The following ZNF423 variants were observed in gnomAD, a reference collection of about 807,000 sequenced individuals.
The protein encoded by ZNF423 is zinc finger protein 423, also known as Ebf-associated zinc finger protein.
ZNF423 carries 12 observed loss-of-function variants against 95.8 expected under a neutral mutation model. The observed-to-expected ratio is 0.13, with a 90% CI of 0.08 to 0.20. The LOEUF is 0.20. ZNF423 is among the 10% of genes least tolerant of loss of function. The pLI, the probability that ZNF423 is intolerant of heterozygous loss-of-function variation, is 1.00. For synonymous variants in ZNF423, 749 were observed against 711.9 expected (o/e 1.05, Z -0.83); for missense variants, 1,316 against 1,737.1 (o/e 0.76, Z 4.31).
intron 5 of ZNF423, among the ~76,000 whole-genome samples, chr16:49,588,434 A>G (rs1190576666): frequency 4.6e-5 from 7 of 152,226 alleles, no homozygotes; most frequent in Non-Finnish European, 1.0e-4. Flanking sequence ...GAGGCCCACA[A>G]GTGAAAACTG....
Position 49,855,401 on chromosome 16 carries a change from G to A in ZNF423, c.40+334C>T, listed in dbSNP as rs1355804826. On this transcript the variant is annotated intron_variant, in intron 1 of 7. Transcript: ENST00000563137. The surrounding 1 kb of genome is among the most constrained non-coding windows in gnomAD (Gnocchi z 4.7). ...CCCTTGATTGGCCACACGGGCCCGG[G>A]CCCCGCACGGAGGGAGCGGCAAGGG... 2.0e-5 allele frequency among the ~76,000 whole-genome samples: 3 copies of A among 150,818 alleles called. 1 individual carries two copies. The highest frequency in any genetic ancestry group is 4.4e-5 in the Non-Finnish European group (3 of 67,578).
chr16:49,505,310 G>A (rs773882950), intron 7 of ZNF423, among the ~76,000 whole-genome samples: 2 of 152,164 alleles, frequency 1.3e-5, no homozygotes, highest in African/African-American at 2.4e-5. Flanking sequence ...CTAACCCAGT[G>A]CTTTTAGGAT....
At chr16:49,539,979 A>G (rs1361485470) in intron 5 of ZNF423, among the ~76,000 whole-genome samples, 1 of 152,120 alleles carries the variant, frequency 6.6e-6, no homozygotes, top group Non-Finnish European at 1.5e-5. Context: ...CCCAGGGCCC[A>G]GGATGCAGGA....
At chr16:49,515,378 A>C (rs1968091758) in intron 7 of ZNF423, among the ~76,000 whole-genome samples, 1 of 152,256 alleles carries the variant, frequency 6.6e-6, no homozygotes, top group Non-Finnish European at 1.5e-5. Flanking sequence ...ATAGTTCAGC[A>C]CTGCAGGCCT....
chr16:49,850,335 C>T (rs963607840), intron 1 of ZNF423, among the ~76,000 whole-genome samples: 2 of 152,154 alleles, frequency 1.3e-5, no homozygotes, highest in African/African-American at 2.4e-5. Flanking sequence ...TCTGATTACC[C>T]GCTAACATGT....
chr16:49,821,741 T>C (rs2034944680), intron 1 of ZNF423, among the ~76,000 whole-genome samples: 2 of 152,132 alleles, frequency 1.3e-5, no homozygotes, highest in South Asian at 4.1e-4. Context: ...TCCCCCGGTG[T>C]GTGCGAAGGC....
chr16:49,512,205 T>C lies in ZNF423; in HGVS notation c.3849+11419A>G, dbSNP rs143510066. On this transcript the variant is annotated intron_variant, in intron 7 of 7. Coordinates refer to ENST00000563137, the MANE Select transcript of ZNF423 (RefSeq NM_001379286.1). ...CTATGCACAGCTGGCACAGATCAGG[T>C]GCTTAGTAAACACTTGCAGGCTAGA... Among the ~76,000 whole-genome samples the C allele has an allele frequency of 2.7e-3, 418 of 152,282 alleles. 1 individual carries two copies. The highest frequency in any genetic ancestry group is 5.2e-3 in the Non-Finnish European group (351 of 68,030).
chr16:49,730,839 T>C lies in ZNF423; in HGVS notation c.233A>G (p.Asp78Gly). ...AGACTCGAAGTCCTGCTGACAGTGA[T>C]CGCAGGTGTAAATTGATTCATCCTC... ...DMEDESIYTC[D>G]HCQQDFESLA... Residue 78 changes from aspartate (D) to glycine (G), a missense_variant, in exon 3 of 8, where the codon GAT becomes GGT. Around this residue, in one of 6 missense-constraint regions of ZNF423, gnomAD observed 155 missense variants for 170.8 expected, o/e 0.91. Transcript: ENST00000563137. 1 of 1,614,208 alleles carries C rather than the reference T, an allele frequency of 6.2e-7. No individual in the cohort carries two copies. The highest frequency in any genetic ancestry group is 1.3e-5 in the African/African-American group (1 of 75,060).
At chr16:49,528,791 G>A (rs377289701) in intron 5 of ZNF423, among the ~76,000 whole-genome samples, 3 of 151,960 alleles carry the variant, frequency 2.0e-5, no homozygotes, top group Admixed American at 6.6e-5. Context: ...TGGAGAGGGC[G>A]GGGAGGGGCT....
chr16:49,522,300 T>C (rs1335179421), intron 7 of ZNF423, among the ~76,000 whole-genome samples: 2 of 152,128 alleles, frequency 1.3e-5, no homozygotes, highest in African/African-American at 4.8e-5. Flanking sequence ...GTCAACACAA[T>C]GTGAGAGAAG....
intron 4 of ZNF423, among the ~76,000 whole-genome samples, chr16:49,634,865 A>C (rs1030340732): frequency 6.6e-6 from 1 of 152,152 alleles, no homozygotes; most frequent in African/African-American, 2.4e-5. Context: ...TCCCCAGCTC[A>C]TTGAAAGCCA....
At chr16:49,652,552 G>A (rs193062446) in intron 3 of ZNF423, among the ~76,000 whole-genome samples, 6 of 152,248 alleles carry the variant, frequency 3.9e-5, no homozygotes, top group Admixed American at 1.3e-4. Flanking sequence ...GACCTCCTGC[G>A]CACCCTGACA....
chr16:49,576,028 G>C (rs1030567824), intron 5 of ZNF423, among the ~76,000 whole-genome samples: 2 of 152,182 alleles, frequency 1.3e-5, no homozygotes, highest in African/African-American at 4.8e-5. Context: ...ACTCCTGGGA[G>C]AGACAGAGGG....
rs560981142 is a variant in ZNF423 at position 49,492,382 on chromosome 16, C to A, written c.3850-1078G>T. Among the ~76,000 whole-genome samples, 1 of 152,184 alleles carries A rather than the reference C, an allele frequency of 6.6e-6. No homozygotes were observed. The highest frequency in any genetic ancestry group is 2.4e-5 in the African/African-American group (1 of 41,464). On this transcript the variant is annotated intron_variant, in intron 7 of 7. Transcript: ENST00000563137. This position sits in a 1 kb window ranked among gnomAD's most constrained non-coding sequence, Gnocchi z 4.2. Reference sequence around the variant, plus strand: ...ACTCCTGCAGCTGTGCCGCTGACCGCCAGGGGTCAGCAGAGGCACCGCGTC... The same window carrying A: ...ACTCCTGCAGCTGTGCCGCTGACCGACAGGGGTCAGCAGAGGCACCGCGTC...
intron 2 of ZNF423, among the ~76,000 whole-genome samples, chr16:49,778,729 G>C (rs1293366097): frequency 6.6e-6 from 1 of 152,232 alleles, no homozygotes; most frequent in Non-Finnish European, 1.5e-5. Context: ...CTGTGACGAT[G>C]TGACGAGAAG....
At chr16:49,589,861 G>GA (rs1970953017) in intron 5 of ZNF423, among the ~76,000 whole-genome samples, 1 of 151,770 alleles carries the variant, frequency 6.6e-6, no homozygotes. Flanking sequence ...TCGCCATAAC[G>GA]AGAGCTGAAC....
rs2035352132 is a variant in ZNF423 at position 49,855,446 on chromosome 16, G to A, written c.40+289C>T. Among the ~76,000 whole-genome samples the A allele has an allele frequency of 6.6e-6, 1 of 151,100 alleles. No homozygotes were observed. The highest frequency in any genetic ancestry group is 1.5e-5 in the Non-Finnish European group (1 of 67,686). On this transcript the variant is annotated intron_variant, in intron 1 of 7. Coordinates refer to ENST00000563137, the MANE Select transcript of ZNF423 (RefSeq NM_001379286.1). The surrounding 1 kb of genome is among the most constrained non-coding windows in gnomAD (Gnocchi z 4.7). ...CAAGGGCCCCTTAGCGGCGCCCCCA[G>A]GCCTGGGTCCCCCAAGGGCGACGGC...
At chr16:49,541,231 C>T (rs1266545779) in intron 5 of ZNF423, among the ~76,000 whole-genome samples, 1 of 152,262 alleles carries the variant, frequency 6.6e-6, no homozygotes, top group African/African-American at 2.4e-5. Flanking sequence ...TGGCACTCAG[C>T]CAATGATTGC....
chr16:49,614,411 T>C (rs1340477877), intron 5 of ZNF423, among the ~76,000 whole-genome samples: 1 of 151,906 alleles, frequency 6.6e-6, no homozygotes, highest in East Asian at 1.9e-4. Context: ...AAGTCAAACA[T>C]GCAAGTACTA....
Sources: gnomAD v4.1 joint callset for allele counts (sites outside exome capture counted in the v4.1 genomes callset) on GRCh38, gnomAD v4.1.1 for gene constraint, gnomAD v4.1.1 regional missense constraint, Gnocchi (gnomAD v3.1) non-coding constraint, MANE v1.5 for transcripts, NCBI Gene and HGNC (gene_info 2026-07-23, HGNC 2026-07-21) for gene names.